TTC28: variants seen among roughly 807,000 people sequenced by gnomAD.
The protein encoded by TTC28 is tetratricopeptide repeat domain 28.
A neutral mutation model predicts 198.0 loss-of-function variants in TTC28; 61 were observed. The ratio of observed to expected loss-of-function variants is 0.31; its 90% CI spans 0.25 to 0.38. The LOEUF (loss-of-function observed/expected upper bound fraction) is 0.38, where lower values mean the gene tolerates loss of function less well. Ranked by LOEUF, TTC28 falls within the 10% of genes least tolerant of loss-of-function variation. The pLI, the probability that TTC28 is intolerant of heterozygous loss-of-function variation, is 1.00. For missense variants in TTC28, 2,678 were observed against 3,164.0 expected (o/e 0.85, Z 3.69); for synonymous variants, 1,171 against 1,297.8 (o/e 0.90, Z 2.10).
At chr22:28,638,071 C>A (rs1361950808) in intron 1 of TTC28, among the ~76,000 whole-genome samples, 1 of 152,008 alleles carries the variant, frequency 6.6e-6, no homozygotes, top group Non-Finnish European at 1.5e-5. Context: ...ATTAACAAAT[C>A]TGAAGGGAGA....
At chr22:28,674,037 A>G (rs746740422) in intron 1 of TTC28, among the ~76,000 whole-genome samples, 5 of 152,208 alleles carry the variant, frequency 3.3e-5, no homozygotes, top group Non-Finnish European at 7.3e-5. Flanking sequence ...TAGAGTAAAA[A>G]TAAAGAGCTT....
chr22:28,057,564 T>G (rs1407288575), intron 12 of TTC28, among the ~76,000 whole-genome samples: 3 of 152,184 alleles, frequency 2.0e-5, no homozygotes, highest in Non-Finnish European at 2.9e-5. Context: ...GGCTTGCCTA[T>G]CCATTTTCTT....
chr22:28,371,723 A>G (rs959204945), intron 2 of TTC28, among the ~76,000 whole-genome samples: 4 of 143,254 alleles, frequency 2.8e-5, no homozygotes, highest in African/African-American at 7.7e-5. Flanking sequence ...CTGGGATTAC[A>G]GGCACCCATC....
chr22:28,442,087 T>C (rs568560185), intron 2 of TTC28, among the ~76,000 whole-genome samples: 2 of 152,146 alleles, frequency 1.3e-5, no homozygotes, highest in East Asian at 1.9e-4. Flanking sequence ...CTGGGACCAA[T>C]AGCAATTTAT....
At chr22:28,620,043 C>G (rs2050967855) in intron 2 of TTC28, among the ~76,000 whole-genome samples, 1 of 152,322 alleles carries the variant, frequency 6.6e-6, no homozygotes, top group East Asian at 1.9e-4. Context: ...GGATCAACAA[C>G]TAGCAGGAGA....
intron 2 of TTC28, among the ~76,000 whole-genome samples, chr22:28,505,129 T>C (rs1051954535): frequency 1.3e-5 from 2 of 151,756 alleles, no homozygotes; most frequent in African/African-American, 2.4e-5. Context: ...TGGTGGCACA[T>C]GCCTGTAATC....
At chr22:28,348,016 T>C (rs2045935428) in intron 2 of TTC28, among the ~76,000 whole-genome samples, 1 of 152,266 alleles carries the variant, frequency 6.6e-6, no homozygotes. Context: ...GTTTCTTCTT[T>C]CTCAAGTAAC....
intron 2 of TTC28, among the ~76,000 whole-genome samples, chr22:28,582,755 CA>C (rs1000691928): frequency 4.0e-5 from 6 of 150,180 alleles, no homozygotes; most frequent in Non-Finnish European, 7.4e-5. Flanking sequence ...TCATTAAAAA[CA>C]AAAAAAAATA....
At chr22:28,196,130 C>T (rs1423686620) in intron 5 of TTC28, among the ~76,000 whole-genome samples, 2 of 151,884 alleles carry the variant, frequency 1.3e-5, no homozygotes, top group African/African-American at 4.8e-5. Flanking sequence ...AGAAATAATG[C>T]CGCATATCTA....
chr22:28,240,740 C>T (rs192830616), intron 5 of TTC28, among the ~76,000 whole-genome samples: 28 of 152,074 alleles, frequency 1.8e-4, no homozygotes, highest in Non-Finnish European at 3.4e-4. Context: ...ACCATAAGGC[C>T]GGAACATCTT....
At chr22:28,021,603 A>G (rs552178759) in intron 13 of TTC28, among the ~76,000 whole-genome samples, 13 of 152,272 alleles carry the variant, frequency 8.5e-5, no homozygotes, top group Middle Eastern at 6.8e-3. Context: ...CAATTTGATG[A>G]GGACCAAGCA....
intron 2 of TTC28, among the ~76,000 whole-genome samples, chr22:28,444,144 A>G (rs1212706937): frequency 6.6e-6 from 1 of 152,190 alleles, no homozygotes; most frequent in Non-Finnish European, 1.5e-5. Context: ...ATATAAAAAT[A>G]TTATATAATT....
At chr22:28,280,083 T>A (rs1031670032) in intron 5 of TTC28, among the ~76,000 whole-genome samples, 4 of 152,184 alleles carry the variant, frequency 2.6e-5, no homozygotes, top group African/African-American at 9.7e-5. Flanking sequence ...ACACATGTTT[T>A]CAATTCTCTG....
intron 2 of TTC28, among the ~76,000 whole-genome samples, chr22:28,536,684 C>A (rs897572240): frequency 4.6e-5 from 7 of 152,126 alleles, no homozygotes; most frequent in Admixed American, 2.6e-4. Context: ...AATAGTCTGT[C>A]CTTTCTTGGA....
chr22:28,426,773 C>T (rs2047356678), intron 2 of TTC28, among the ~76,000 whole-genome samples: 1 of 152,116 alleles, frequency 6.6e-6, no homozygotes. Flanking sequence ...CTTTTGTTTC[C>T]CCATTAGAGG....
chr22:28,461,717 C>T (rs2146279675), intron 2 of TTC28, among the ~76,000 whole-genome samples: 1 of 152,350 alleles, frequency 6.6e-6, no homozygotes, highest in African/African-American at 2.4e-5. Context: ...GCATGAGCCA[C>T]TGTGCTAGGC....
intron 2 of TTC28, among the ~76,000 whole-genome samples, chr22:28,396,288 T>C (rs1569303599): frequency 6.6e-6 from 1 of 152,190 alleles, no homozygotes. Flanking sequence ...GGTTACACTC[T>C]CCGTTAGAAA....
intron 5 of TTC28, among the ~76,000 whole-genome samples, chr22:28,237,166 T>C (rs115096423): frequency 0.017 from 2,549 of 152,178 alleles, 90 homozygotes; most frequent in African/African-American, 0.059. Flanking sequence ...CTCTCTCTCT[T>C]GCTCTCTCCC....
intron 12 of TTC28, among the ~76,000 whole-genome samples, chr22:28,038,654 C>A (rs960096431): frequency 1.3e-5 from 2 of 152,112 alleles, no homozygotes; most frequent in African/African-American, 2.4e-5. Flanking sequence ...GCAACAAAAG[C>A]CAAAATTGAC....
Sources: allele counts gnomAD v4.1 joint callset (sites outside exome capture counted in the v4.1 genomes callset), GRCh38; gene constraint gnomAD v4.1.1; transcripts MANE v1.5; gene names NCBI Gene and HGNC (gene_info 2026-07-23, HGNC 2026-07-21).